The following SMIM3 variants were observed in gnomAD, a reference collection of about 807,000 sequenced individuals.
The protein encoded by SMIM3 is small integral membrane protein 3.
SMIM3 carries 4 observed loss-of-function variants against 2.1 expected under a neutral mutation model. The observed-to-expected ratio is 1.89, with a 90% CI of 0.93 to 4.31. SMIM3 has a LOEUF of 4.31. SMIM3 is among the 30% of genes most tolerant of loss of function. The pLI is 0.01. For missense variants in SMIM3, 79 were observed against 77.7 expected, an observed-to-expected ratio of 1.02 and a Z score of -0.06; for synonymous variants, 29 against 30.8, an observed-to-expected ratio of 0.94 and a Z score of 0.19.
intron 1 of SMIM3, among the ~76,000 whole-genome samples, chr5:150,781,837 G>A (rs1753237082): frequency 6.6e-6 from 1 of 152,198 alleles, no homozygotes; most frequent in South Asian, 2.1e-4. Flanking sequence ...TTAGTCACTG[G>A]CAAATAGCAA....
Position 150,796,010 on chromosome 5 carries a change from G to A in SMIM3, c.*387G>A. The A allele has an allele frequency of 5.0e-6, 1 of 200,366 alleles. No individual in the cohort carries two copies. The highest frequency in any genetic ancestry group is 1.0e-5 in the Non-Finnish European group (1 of 96,828). 12.4% of individuals were successfully genotyped at this position (200,366 alleles called of 1,614,324 possible). A position where few individuals can be genotyped will look rare whatever the true frequency, so the allele number is the denominator to read the frequency against. ...TTAAAGGTGGTGAGGGAGATACTGG[G>A]GGCAGAGCAGACTTTGCCAGTGCCC... On this transcript the variant is annotated 3_prime_UTR_variant, in exon 2 of 2. Coordinates refer to ENST00000526627, the MANE Select transcript of SMIM3 (RefSeq NM_032947.5).
chr5:150,784,177 C>CAA (rs1753266674), intron 1 of SMIM3, among the ~76,000 whole-genome samples: 2 of 152,122 alleles, frequency 1.3e-5, no homozygotes, highest in Admixed American at 1.3e-4. Flanking sequence ...ATGCCGGGTT[C>CAA]ACTAGCTCAG....
intron 1 of SMIM3, among the ~76,000 whole-genome samples, chr5:150,789,652 C>T (rs541568801): frequency 2.0e-5 from 3 of 152,252 alleles, no homozygotes; most frequent in Admixed American, 1.3e-4. Flanking sequence ...CAAGTAAGCC[C>T]GCTGCACTGA....
intron 1 of SMIM3, among the ~76,000 whole-genome samples, chr5:150,790,278 C>T (rs531293793): frequency 2.0e-5 from 3 of 152,198 alleles, no homozygotes; most frequent in Admixed American, 1.3e-4. Flanking sequence ...AGGGTGATTA[C>T]GTCTTCCTGG....
chr5:150,788,709 C>T (rs936573160), intron 1 of SMIM3, among the ~76,000 whole-genome samples: 5 of 151,814 alleles, frequency 3.3e-5, no homozygotes, highest in African/African-American at 1.2e-4. Context: ...TTTCCCCCCA[C>T]CTTATATTTG....
intron 1 of SMIM3, among the ~76,000 whole-genome samples, chr5:150,784,043 C>T (rs917765587): frequency 1.3e-5 from 2 of 151,654 alleles, no homozygotes; most frequent in Non-Finnish European, 2.9e-5. Flanking sequence ...CTCAGCCTCC[C>T]GAGTAGCTGG....
At chr5:150,794,329 A>T (rs1753380229) in intron 1 of SMIM3, among the ~76,000 whole-genome samples, 1 of 152,194 alleles carries the variant, frequency 6.6e-6, no homozygotes, top group Non-Finnish European at 1.5e-5. Flanking sequence ...CTGGGTATCT[A>T]CCCAGAGGAA....
At chr5:150,779,027 C>T (rs957385608) in intron 1 of SMIM3, 55 bp downstream of exon 1, 6 of 469,330 alleles carry the variant, frequency 1.3e-5, no homozygotes, top group Non-Finnish European at 2.6e-5. Context: ...CGGAGCTCTT[C>T]GGATTCGCGA....
intron 1 of SMIM3, among the ~76,000 whole-genome samples, chr5:150,786,135 C>A (rs1186306793): frequency 4.6e-5 from 7 of 152,118 alleles, no homozygotes; most frequent in Non-Finnish European, 5.9e-5. Flanking sequence ...TTTTGTTTAT[C>A]CTTACTTCAT....
At chr5:150,789,902 A>G (rs1268600454) in intron 1 of SMIM3, among the ~76,000 whole-genome samples, 2 of 152,154 alleles carry the variant, frequency 1.3e-5, no homozygotes, top group Non-Finnish European at 2.9e-5. Context: ...CCAGGCCCCC[A>G]CTTTCCAGGC....
intron 1 of SMIM3, among the ~76,000 whole-genome samples, chr5:150,789,646 T>TA (rs780319183): frequency 7.9e-5 from 12 of 152,188 alleles, no homozygotes; most frequent in Non-Finnish European, 1.5e-4. Context: ...CCCTACCAAG[T>TA]AAGCCCGCTG....
At chr5:150,779,177 A>G (rs562748848) in intron 1 of SMIM3, among the ~76,000 whole-genome samples, 2 of 152,068 alleles carry the variant, frequency 1.3e-5, no homozygotes, top group Non-Finnish European at 2.9e-5. Flanking sequence ...TCAGCTCTTA[A>G]GTTCGAGCCT....
chr5:150,787,812 C>T (rs138886512), intron 1 of SMIM3, among the ~76,000 whole-genome samples: 279 of 152,244 alleles, frequency 1.8e-3, no homozygotes, highest in African/African-American at 6.3e-3. Flanking sequence ...AATGCTGGCT[C>T]GTGTGATCCT....
chr5:150,790,716 C>A (rs1753341143), intron 1 of SMIM3, among the ~76,000 whole-genome samples: 1 of 152,168 alleles, frequency 6.6e-6, no homozygotes, highest in Non-Finnish European at 1.5e-5. Context: ...GTTCCCAAAT[C>A]TGGCTGCACG....
At chr5:150,781,012 G>T (rs147821553) in intron 1 of SMIM3, among the ~76,000 whole-genome samples, 401 of 152,286 alleles carry the variant, frequency 2.6e-3, no homozygotes, top group African/African-American at 9.1e-3. Flanking sequence ...ATGACTCTAA[G>T]CATTTTACTT....
chr5:150,786,840 A>T (rs1753298820), intron 1 of SMIM3, among the ~76,000 whole-genome samples: 1 of 152,172 alleles, frequency 6.6e-6, no homozygotes, highest in African/African-American at 2.4e-5. Context: ...TGTGTTGGAC[A>T]TTATATTTGT....
intron 1 of SMIM3, among the ~76,000 whole-genome samples, chr5:150,781,161 T>C (rs1753229148): frequency 6.6e-6 from 1 of 152,148 alleles, no homozygotes; most frequent in African/African-American, 2.4e-5. Context: ...GAGCTGTAAT[T>C]TGAACGCAGG....
At chr5:150,779,228 G>A (rs1753206831) in intron 1 of SMIM3, among the ~76,000 whole-genome samples, 1 of 152,156 alleles carries the variant, frequency 6.6e-6, no homozygotes, top group Non-Finnish European at 1.5e-5. Flanking sequence ...GGCGGAGCTT[G>A]GGTGGGCGAA....
At chr5:150,788,888 G>A (rs952887409) in intron 1 of SMIM3, among the ~76,000 whole-genome samples, 3 of 152,080 alleles carry the variant, frequency 2.0e-5, no homozygotes, top group Non-Finnish European at 4.4e-5. Context: ...GGTGCTAGTG[G>A]CTTTTCTGCT....
Sources: allele counts gnomAD v4.1 joint callset (sites outside exome capture counted in the v4.1 genomes callset), GRCh38; gene constraint gnomAD v4.1.1; transcripts MANE v1.5; gene names NCBI Gene and HGNC (gene_info 2026-07-23, HGNC 2026-07-21).